The following SLFN12L variants were observed in gnomAD, a reference collection of about 807,000 sequenced individuals.
The protein encoded by SLFN12L is schlafen family member 12-like.
A neutral mutation model predicts 34.8 loss-of-function variants in SLFN12L; 34 were observed. The observed-to-expected ratio is 0.98, with a 90% CI of 0.74 to 1.30. The LOEUF is 1.30. SLFN12L is among the 50% of genes most tolerant of loss of function. The pLI, the probability that SLFN12L is intolerant of heterozygous loss-of-function variation, is 0.00. For synonymous variants in SLFN12L, 259 were observed against 247.5 expected (o/e 1.05, Z -0.44); for missense variants, 703 against 696.2 (o/e 1.01, Z -0.11).
chr17:35,507,926 CT>C (rs1915516872), intron 2 of SLFN12L, among the ~76,000 whole-genome samples: 2 of 152,202 alleles, frequency 1.3e-5, no homozygotes, highest in African/African-American at 4.8e-5. Flanking sequence ...GAGACCACCC[CT>C]CATATTGTCT....
rs1286012282 is a variant in SLFN12L, at chr17:35,468,105, T to G, written c.*6818A>C. 6.6e-6 allele frequency among the ~76,000 whole-genome samples: 1 copy of G among 152,008 alleles called. No homozygotes were observed. The highest frequency in any genetic ancestry group is 1.5e-5 in the Non-Finnish European group (1 of 67,984). On this transcript the variant is annotated 3_prime_UTR_variant, in exon 5 of 5. Coordinates refer to ENST00000628453, the MANE Select transcript of SLFN12L (RefSeq NM_001363830.2). ...TTTATGTTTTTTGTAGAGACAGGGT[T>G]TTACCATGTTGCCCAGGCTGGTCTT...
intron 2 of SLFN12L, among the ~76,000 whole-genome samples, chr17:35,484,655 T>C (rs529031625): frequency 3.1e-4 from 47 of 152,314 alleles, no homozygotes; most frequent in African/African-American, 1.1e-3. Flanking sequence ...TAGGACCTCA[T>C]GGCTAGGTCC....
At chr17:35,532,700 T>C (rs1002287516) in intron 1 of SLFN12L, among the ~76,000 whole-genome samples, 3 of 152,120 alleles carry the variant, frequency 2.0e-5, no homozygotes, top group Non-Finnish European at 4.4e-5. Flanking sequence ...AAGACCAGCC[T>C]GGCTAACACA....
At chr17:35,522,138 A>G in intron 2 of SLFN12L, 141 bp downstream of exon 2, 1 of 1,150,168 alleles carries the variant, frequency 8.7e-7, no homozygotes, top group Non-Finnish European at 1.2e-6. Context: ...GGTAGAAAAA[A>G]TTACCCCATT....
intron 1 of SLFN12L, among the ~76,000 whole-genome samples, chr17:35,536,450 G>A (rs1214149270): frequency 2.0e-5 from 3 of 152,080 alleles, no homozygotes; most frequent in African/African-American, 7.2e-5. Context: ...AATCCAACTA[G>A]ATCACAGTTT....
chr17:35,509,683 A>C (rs1315435339), intron 2 of SLFN12L, among the ~76,000 whole-genome samples: 1 of 151,928 alleles, frequency 6.6e-6, no homozygotes, highest in African/African-American at 2.4e-5. Flanking sequence ...GAAATATTAA[A>C]TATTTTAAAA....
intron 2 of SLFN12L, among the ~76,000 whole-genome samples, chr17:35,511,035 C>G (rs1915625555): frequency 6.6e-6 from 1 of 152,014 alleles, no homozygotes; most frequent in South Asian, 2.1e-4. Flanking sequence ...CTTTACTACT[C>G]TTTTGTTTTT....
intron 2 of SLFN12L, chr17:35,514,870 T>C: frequency 2.5e-6 from 1 of 403,862 alleles, no homozygotes; most frequent in Non-Finnish European, 4.8e-6. Flanking sequence ...GAAGAGTTTG[T>C]TGTAACACTT....
At chr17:35,498,789 AT>A in intron 2 of SLFN12L, 1 of 954,764 alleles carries the variant, frequency 1.0e-6, no homozygotes, top group Non-Finnish European at 1.6e-6. Context: ...CAAAATGTTT[AT>A]CTTACTTATT....
chr17:35,475,635 A>C, intron 4 of SLFN12L, 150 bp from the exon 5 acceptor site: 4 of 1,271,732 alleles, frequency 3.1e-6, no homozygotes, highest in Non-Finnish European at 4.2e-6. Context: ...ATGGTGGCTC[A>C]CACCTGTAAT....
At chr17:35,501,314 T>TG (rs1336159671) in intron 2 of SLFN12L, among the ~76,000 whole-genome samples, 1 of 152,240 alleles carries the variant, frequency 6.6e-6, no homozygotes, top group African/African-American at 2.4e-5. Context: ...AACTGGCACT[T>TG]GGAGTCCGGA....
intron 2 of SLFN12L, among the ~76,000 whole-genome samples, chr17:35,507,651 T>C (rs767938934): frequency 2.6e-5 from 4 of 152,172 alleles, no homozygotes; most frequent in African/African-American, 9.7e-5. Flanking sequence ...GTTTGAAAAA[T>C]GGTTCCCAGT....
At position 35,509,243 on chromosome 17, in the gene SLFN12L, G is replaced by T. The variant is rs58313964; in HGVS notation, c.86+13036C>A. The stretch of plus-strand genomic sequence containing the variant: ...GGGGATGAGGGAGAGGAAGCACCAA[G>T]GGTGACGTTTGTGTCTCAGGCTTAA... On this transcript the variant is annotated intron_variant, in intron 2 of 4. Coordinates refer to ENST00000628453, the MANE Select transcript of SLFN12L (RefSeq NM_001363830.2). 3.3e-3 allele frequency among the ~76,000 whole-genome samples: 506 copies of T among 152,314 alleles called. 2 individuals are homozygous for T. Among genetic ancestry groups the T allele is most frequent in the African/African-American group, 0.012 (493 of 41,544 alleles).
At chr17:35,530,508 GAAAGAAAAGA>G (rs200936112) in intron 1 of SLFN12L, among the ~76,000 whole-genome samples, 465 of 32,724 alleles carry the variant, frequency 0.014, 46 homozygotes, top group African/African-American at 0.032. Context: ...AAGAAAGAAA[GAAAGAAAAGA>G]AAAGAAAAGA....
At chr17:35,520,163 G>T (rs960484331) in intron 2 of SLFN12L, among the ~76,000 whole-genome samples, 3 of 152,138 alleles carry the variant, frequency 2.0e-5, no homozygotes, top group Non-Finnish European at 4.4e-5. Flanking sequence ...ACAAACACTG[G>T]CCTGGAGATA....
Position 35,474,900 on chromosome 17 carries a change from C to T in SLFN12L, c.*23G>A. 1 of 1,518,740 alleles carries T rather than the reference C, an allele frequency of 6.6e-7. No individual in the cohort carries two copies. The highest frequency in any genetic ancestry group is 8.8e-7 in the Non-Finnish European group (1 of 1,135,308). The allele number at this position is 1,518,740 out of a possible 1,614,324, so 94.1% of individuals were successfully genotyped here. On this transcript the variant is annotated 3_prime_UTR_variant, in exon 5 of 5. Transcript: ENST00000628453. ...GAGTCGAGATCGTGTCACTACACTC[C>T]AGTCTGGGTGACAGAGTGAGACTCA...
intron 2 of SLFN12L, among the ~76,000 whole-genome samples, 174 bp downstream of exon 2, chr17:35,522,104 CA>C (rs1191082655): frequency 6.6e-6 from 1 of 151,852 alleles, no homozygotes; most frequent in Non-Finnish European, 1.5e-5. Context: ...ATGTACCCTA[CA>C]ACTTAAAGTA....
At position 35,475,028 on chromosome 17, in the gene SLFN12L, C is replaced by T. The variant is rs1437769804; in HGVS notation, c.1734G>A (p.Lys578=). ...CCTTAGGTAAGATATTTGAAAGGGC[C>T]TTTTCCAAGTCTTTCATTGTTTGAG... ...TTAQTMKDLE[K]ALSNILPKEN... Residue 578 remains lysine (K), a synonymous_variant, in exon 5 of 5, where the codon AAG becomes AAA. Transcript: ENST00000628453. 6.2e-7 allele frequency: 1 copy of T among 1,603,890 alleles called. No homozygotes were observed. Among genetic ancestry groups the T allele is most frequent in the African/African-American group, 1.3e-5 (1 of 74,604 alleles).
intron 2 of SLFN12L, among the ~76,000 whole-genome samples, chr17:35,511,994 G>A (rs560246537): frequency 6.6e-6 from 1 of 152,142 alleles, no homozygotes; most frequent in Non-Finnish European, 1.5e-5. Flanking sequence ...ACTGAAATCT[G>A]GGTTTTGTTA....
Sources: allele counts gnomAD v4.1 joint callset (sites outside exome capture counted in the v4.1 genomes callset), GRCh38; gene constraint gnomAD v4.1.1; transcripts MANE v1.5; gene names NCBI Gene and HGNC (gene_info 2026-07-23, HGNC 2026-07-21).